NEK11: variants seen among roughly 807,000 people sequenced by gnomAD.
NEK11 encodes serine/threonine-protein kinase Nek11.
In NEK11, 72 loss-of-function variants were observed where a neutral mutation model predicts 80.7. The ratio of observed to expected loss-of-function variants is 0.89; its 90% confidence interval spans 0.74 to 1.08. The LOEUF (loss-of-function observed/expected upper bound fraction) is 1.08, where lower values mean the gene tolerates loss of function less well. Ranked by LOEUF, NEK11 falls within the 50% of genes least tolerant of loss-of-function variation. The pLI is 0.00. For synonymous variants in NEK11, 251 were observed against 260.7 expected, an observed-to-expected ratio of 0.96 and a Z score of 0.36; for missense variants, 764 against 763.6, an observed-to-expected ratio of 1.00 and a Z score of -0.01.
intron 3 of NEK11, among the ~76,000 whole-genome samples, chr3:131,061,638 G>A (rs2070885667): frequency 6.6e-6 from 1 of 152,154 alleles, no homozygotes; most frequent in Non-Finnish European, 1.5e-5. Flanking sequence ...TTACTTTAAA[G>A]ACTGCTAATA....
intron 16 of NEK11, among the ~76,000 whole-genome samples, chr3:131,268,350 A>G (rs1182646855): frequency 2.0e-5 from 3 of 152,168 alleles, no homozygotes; most frequent in Non-Finnish European, 4.4e-5. Flanking sequence ...GGGAAGAGGC[A>G]TTCTGATTTT....
At chr3:131,121,018 C>T (rs890210562) in intron 5 of NEK11, among the ~76,000 whole-genome samples, 4 of 152,232 alleles carry the variant, frequency 2.6e-5, no homozygotes, top group Admixed American at 1.3e-4. Flanking sequence ...AGCTTTGTTC[C>T]GTTGCTAGCG....
At chr3:131,049,952 G>A (rs2068074851) in intron 3 of NEK11, among the ~76,000 whole-genome samples, 1 of 148,200 alleles carries the variant, frequency 6.7e-6, no homozygotes, top group Admixed American at 6.7e-5. Context: ...AATAAAACAG[G>A]TGTTTCAGTC....
intron 5 of NEK11, among the ~76,000 whole-genome samples, chr3:131,123,355 T>C (rs149319687): frequency 1.3e-5 from 2 of 152,116 alleles, no homozygotes; most frequent in East Asian, 3.9e-4. Flanking sequence ...TTAGTAGAGA[T>C]GGGGTTTCAC....
intron 4 of NEK11, among the ~76,000 whole-genome samples, chr3:131,106,945 C>G (rs1202421388): frequency 6.6e-6 from 1 of 152,102 alleles, no homozygotes; most frequent in South Asian, 2.1e-4. Flanking sequence ...CAAGATTACC[C>G]ACCCAGATGG....
In NEK11 at chr3:131,030,103, G is replaced by A. The variant is rs1457240820; in HGVS notation, c.170+225G>A. ...AAAAATACAAAAATTAGCCAGGCAG[G>A]GTGGTACATGCCTGTGATCTCAGCT... On this transcript the variant is annotated intron_variant, in intron 3 of 17. Transcript: ENST00000383366. Among the ~76,000 whole-genome samples the A allele has an allele frequency of 3.3e-5, 5 of 152,252 alleles. No individual in the cohort carries two copies. The South Asian group carries it at 8.3e-4, about 25-fold the overall frequency.
intron 3 of NEK11, among the ~76,000 whole-genome samples, chr3:131,058,982 A>G (rs534983049): frequency 6.6e-6 from 1 of 152,220 alleles, no homozygotes; most frequent in East Asian, 1.9e-4. Context: ...GTACTTCAAA[A>G]GCATCTTTTC....
At chr3:131,028,687 G>A (rs755003898) in intron 2 of NEK11, among the ~76,000 whole-genome samples, 2 of 151,920 alleles carry the variant, frequency 1.3e-5, no homozygotes, top group African/African-American at 4.8e-5. Context: ...TCAGCCTCCC[G>A]AGTAGCTGGG....
chr3:131,092,751 C>G (rs1158958038), intron 4 of NEK11: 1 of 152,158 alleles, frequency 6.6e-6, no homozygotes, highest in Non-Finnish European at 1.5e-5. Flanking sequence ...AAAGAAGAAC[C>G]ATTCTACAAA....
At chr3:131,341,771 C>T (rs543272075) in intron 17 of NEK11, among the ~76,000 whole-genome samples, 1 of 152,148 alleles carries the variant, frequency 6.6e-6, no homozygotes, top group South Asian at 2.1e-4. Flanking sequence ...GCTTTTTTAA[C>T]TTAAAATGTA....
At chr3:131,087,239 T>TC (rs2076105752) in intron 4 of NEK11, among the ~76,000 whole-genome samples, 1 of 140,034 alleles carries the variant, frequency 7.1e-6, no homozygotes, top group Non-Finnish European at 1.6e-5. Context: ...CAAATTCTTT[T>TC]TTTTTTTTTT....
intron 5 of NEK11, among the ~76,000 whole-genome samples, chr3:131,118,949 G>A (rs1294398032): frequency 6.6e-6 from 1 of 152,030 alleles, no homozygotes; most frequent in Non-Finnish European, 1.5e-5. Context: ...TTTTTGAAGG[G>A]TTTTTTGTGT....
chr3:131,175,532 T>C (rs1033662176), intron 14 of NEK11, among the ~76,000 whole-genome samples: 1 of 152,122 alleles, frequency 6.6e-6, no homozygotes, highest in Non-Finnish European at 1.5e-5. Context: ...TTTCTATGAG[T>C]TCTGGAACCA....
At chr3:131,127,479 A>AAT (rs1204576689) in intron 5 of NEK11, among the ~76,000 whole-genome samples, 8 of 150,584 alleles carry the variant, frequency 5.3e-5, no homozygotes, top group Non-Finnish European at 1.0e-4. Flanking sequence ...TGCATATAAA[A>AAT]ATATATATAT....
At chr3:131,148,877 T>C (rs1156310667) in intron 7 of NEK11, among the ~76,000 whole-genome samples, 1 of 151,720 alleles carries the variant, frequency 6.6e-6, no homozygotes, top group Non-Finnish European at 1.5e-5. Flanking sequence ...ATAATAGTCG[T>C]ACATATTTAT....
At chr3:131,042,136 GCGCCC>G (rs2066597508) in intron 3 of NEK11, among the ~76,000 whole-genome samples, 11 of 152,160 alleles carry the variant, frequency 7.2e-5, no homozygotes, top group Non-Finnish European at 1.6e-4. Flanking sequence ...TACACCACAA[GCGCCC>G]TGGGTTTCAA....
At chr3:131,248,688 G>C (rs1427844) in intron 16 of NEK11, among the ~76,000 whole-genome samples, 6 of 152,186 alleles carry the variant, frequency 3.9e-5, no homozygotes, top group Middle Eastern at 3.4e-3. Context: ...TGGCATGCAG[G>C]CTGTCTACCC....
At chr3:131,169,688 C>G (rs77488289) in intron 13 of NEK11, among the ~76,000 whole-genome samples, 110 of 152,192 alleles carry the variant, frequency 7.2e-4, no homozygotes, top group African/African-American at 2.4e-3. Flanking sequence ...GGTCTCCATA[C>G]GTGGAGAGGT....
intron 16 of NEK11, among the ~76,000 whole-genome samples, chr3:131,265,763 C>T (rs143754633): frequency 3.3e-5 from 5 of 152,020 alleles, no homozygotes; most frequent in East Asian, 3.9e-4. Flanking sequence ...CTTTTTCTAT[C>T]GTTTGGAATA....
Sources: gnomAD v4.1 joint callset for allele counts (sites outside exome capture counted in the v4.1 genomes callset) on GRCh38, gnomAD v4.1.1 for gene constraint, MANE v1.5 for transcripts, NCBI Gene and HGNC (gene_info 2026-07-23, HGNC 2026-07-21) for gene names.